ZRANB1: variants seen among roughly 807,000 people sequenced by gnomAD.
ZRANB1 encodes the protein zinc finger RANBP2-type containing 1, also known as ubiquitin thioesterase ZRANB1.
In ZRANB1, 16 loss-of-function variants were observed where a neutral mutation model predicts 80.5. The observed-to-expected ratio is 0.20, with a 90% CI of 0.13 to 0.30. The LOEUF is 0.30. Ranked by LOEUF, ZRANB1 falls within the 10% of genes least tolerant of loss-of-function variation. The probability of loss-of-function intolerance (pLI) is 1.00; values close to 1 mark genes in which losing one functional copy is unlikely to be tolerated. For synonymous variants in ZRANB1, 291 were observed against 293.1 expected (o/e 0.99, Z 0.07); for missense variants, 576 against 862.6 (o/e 0.67, Z 4.16).
the ZRANB1 span, among the ~76,000 whole-genome samples, chr10:124,927,131 A>G: frequency 2.0e-5 from 3 of 150,956 alleles, no homozygotes; most frequent in Admixed American, 6.6e-5. Flanking sequence ...AATTTTTTGT[A>G]TTTTTAGTGG....
At position 124,987,190 on chromosome 10, in the gene ZRANB1, A is replaced by AAGAT. The variant is rs35084073; in HGVS notation, c.*2202_*2205dup. 0.16 allele frequency: 24,781 copies of AAGAT among 152,402 alleles called. 2,071 individuals carry two copies. The highest frequency in any genetic ancestry group is 0.22 in the African/African-American group (8,986 of 41,412). 9.4% of individuals were successfully genotyped at this position (152,402 alleles called of 1,614,324 possible). On this transcript the variant is annotated 3_prime_UTR_variant, in exon 9 of 9. Coordinates refer to ENST00000359653, the MANE Select transcript of ZRANB1 (RefSeq NM_017580.3). Reference sequence around the variant, plus strand: ...TTAAAACAGCCATAATTATTGTCCCAAGATAGAATATAGTCCTTTTTCAAA... The same window carrying AAGAT: ...TTAAAACAGCCATAATTATTGTCCCAAGATAGATAGAATATAGTCCTTTTTCAAA...
chr10:124,923,758 A>G, the ZRANB1 span, among the ~76,000 whole-genome samples: 1 of 151,750 alleles, frequency 6.6e-6, no homozygotes, highest in African/African-American at 2.4e-5. Flanking sequence ...TTAAACTATC[A>G]GATCTCCTGA....
chr10:124,937,666 C>G (rs1185513236), upstream of ZRANB1, among the ~76,000 whole-genome samples: 2 of 152,174 alleles, frequency 1.3e-5, no homozygotes, highest in Non-Finnish European at 2.9e-5. Flanking sequence ...ATGTAAGTCC[C>G]TTTCCCCCGC....
At chr10:124,916,975 C>A in the ZRANB1 span, among the ~76,000 whole-genome samples, 1 of 152,080 alleles carries the variant, frequency 6.6e-6, no homozygotes, top group East Asian at 1.9e-4. Context: ...GCCCCCGCCC[C>A]CCGGGGCTCC....
chr10:124,971,181 G>A (rs940231121), intron 2 of ZRANB1, among the ~76,000 whole-genome samples: 3 of 152,232 alleles, frequency 2.0e-5, no homozygotes, highest in South Asian at 2.1e-4. Context: ...TTCTGTGTAT[G>A]TATTTTTATT....
intron 1 of ZRANB1, among the ~76,000 whole-genome samples, chr10:124,950,576 C>G (rs1951630091): frequency 6.6e-6 from 1 of 152,144 alleles, no homozygotes; most frequent in Non-Finnish European, 1.5e-5. Flanking sequence ...CATTTGGATT[C>G]TAATTGTATT....
At chr10:124,950,536 T>C (rs929951413) in intron 1 of ZRANB1, among the ~76,000 whole-genome samples, 1 of 152,224 alleles carries the variant, frequency 6.6e-6, no homozygotes, top group African/African-American at 2.4e-5. Context: ...ATAACTTAAT[T>C]GTGTTGAGAA....
At chr10:124,944,494 C>CA (rs1951563312) in intron 1 of ZRANB1, among the ~76,000 whole-genome samples, 1 of 112,756 alleles carries the variant, frequency 8.9e-6, no homozygotes, top group South Asian at 4.6e-4. Context: ...TCCCCCCCCC[C>CA]CCCCGCCCCA....
the ZRANB1 span, among the ~76,000 whole-genome samples, chr10:124,932,108 T>C: frequency 6.6e-6 from 1 of 152,168 alleles, no homozygotes; most frequent in Non-Finnish European, 1.5e-5. Context: ...TAGTATGCAT[T>C]TAAGGTTCAT....
chr10:124,987,147 T>TATTA lies in ZRANB1; in HGVS notation c.*2156_*2159dup, dbSNP rs1203338768. 5 of 152,580 alleles carry TATTA rather than the reference T, an allele frequency of 3.3e-5. No homozygotes were observed. Among genetic ancestry groups the TATTA allele is most frequent in the African/African-American group, 1.2e-4 (5 of 41,416 alleles). 9.5% of individuals were successfully genotyped at this position (152,580 alleles called of 1,614,324 possible). On this transcript the variant is annotated 3_prime_UTR_variant, in exon 9 of 9. Coordinates refer to ENST00000359653, the MANE Select transcript of ZRANB1 (RefSeq NM_017580.3). ...CAAAAATTTTGGTAAATCAATGCTATATTATGCTCTTGAACTATTAAAACA... is the reference window on the plus strand; with the variant it reads ...CAAAAATTTTGGTAAATCAATGCTATATTAATTATGCTCTTGAACTATTAAAACA...
At chr10:124,948,521 T>G (rs1951603729) in intron 1 of ZRANB1, among the ~76,000 whole-genome samples, 1 of 152,098 alleles carries the variant, frequency 6.6e-6, no homozygotes, top group South Asian at 2.1e-4. Flanking sequence ...CACCTTTTTT[T>G]TTTTTCCTAT....
At chr10:124,962,950 AT>A (rs947841206) in intron 1 of ZRANB1, among the ~76,000 whole-genome samples, 1 of 152,004 alleles carries the variant, frequency 6.6e-6, no homozygotes, top group Non-Finnish European at 1.5e-5. Flanking sequence ...CGTTTGTTAA[AT>A]TTTCAAAAAA....
At position 124,972,080 on chromosome 10, in the gene ZRANB1, A is replaced by C. The variant is rs778022551; in HGVS notation, c.1118A>C (p.Tyr373Ser). ...CAGAGAAAGGGGGATTTTGCTTGCT[A>C]TTTTCTGACTGACCTTGTAACATTT... ...LHQRKGDFAC[Y>S]FLTDLVTFTL... Residue 373 changes from tyrosine to serine, a missense_variant, in exon 3 of 9, where the codon TAT becomes TCT. By Grantham distance (144) the Tyr-to-Ser change is moderately radical. This residue lies in a region of ZRANB1 where 411 missense variants were observed against 583.1 expected (regional missense o/e 0.70). Transcript: ENST00000359653. 2 of 1,613,842 alleles carry C rather than the reference A, an allele frequency of 1.2e-6. No homozygotes were observed. Among genetic ancestry groups the C allele is most frequent in the Non-Finnish European group, 1.7e-6 (2 of 1,179,860 alleles).
rs1210948868 is a variant in ZRANB1 at position 124,987,176 on chromosome 10, A to T, written c.*2184A>T. On this transcript the variant is annotated 3_prime_UTR_variant, in exon 9 of 9. Coordinates refer to ENST00000359653, the MANE Select transcript of ZRANB1 (RefSeq NM_017580.3). ...ATGCTCTTGAACTATTAAAACAGCC[A>T]TAATTATTGTCCCAAGATAGAATAT... 6.7e-6 allele frequency: 1 copy of T among 149,792 alleles called. No individual in the cohort carries two copies. Among genetic ancestry groups the T allele is most frequent in the Non-Finnish European group, 1.5e-5 (1 of 67,418 alleles). The allele number at this position is 149,792 out of a possible 1,614,324, so 9.3% of individuals were successfully genotyped here.
intron 1 of ZRANB1, among the ~76,000 whole-genome samples, chr10:124,952,563 G>C (rs1340913758): frequency 6.6e-6 from 1 of 152,134 alleles, no homozygotes; most frequent in African/African-American, 2.4e-5. Context: ...ATCATTGTTT[G>C]AGCAGCAATA....
the ZRANB1 span, among the ~76,000 whole-genome samples, chr10:124,922,338 T>TATA: frequency 7.1e-3 from 272 of 38,242 alleles, 3 homozygotes; most frequent in African/African-American, 0.017. Flanking sequence ...ATATATATAT[T>TATA]TTTTTTTTAA....
chr10:124,947,873 G>A (rs946054223), intron 1 of ZRANB1, among the ~76,000 whole-genome samples: 2 of 151,942 alleles, frequency 1.3e-5, no homozygotes, highest in African/African-American at 2.4e-5. Flanking sequence ...TTTGCCCTCC[G>A]TACAATCTGC....
At chr10:124,981,371 T>C (rs1367759588) in intron 5 of ZRANB1, 1 of 192,178 alleles carries the variant, frequency 5.2e-6, no homozygotes, top group African/African-American at 2.4e-5. Context: ...GTAGTGTCTT[T>C]GTATACAACA....
chr10:124,917,452 C>T, the ZRANB1 span, among the ~76,000 whole-genome samples: 2 of 151,872 alleles, frequency 1.3e-5, no homozygotes, highest in Non-Finnish European at 2.9e-5. Context: ...ATCTTGGGCG[C>T]TCCGGTTGCG....
Sources: allele counts gnomAD v4.1 joint callset (sites outside exome capture counted in the v4.1 genomes callset), GRCh38; gene constraint gnomAD v4.1.1; regional missense constraint gnomAD v4.1.1; transcripts MANE v1.5; gene names NCBI Gene and HGNC (gene_info 2026-07-23, HGNC 2026-07-21).